Variants in OSBPL9 observed in about 807,000 individuals in gnomAD.
OSBPL9 encodes oxysterol-binding protein-related protein 9.
OSBPL9 carries 40 observed loss-of-function variants against 106.6 expected under a neutral mutation model. The ratio of observed to expected loss-of-function variants is 0.38; its 90% CI spans 0.29 to 0.49. OSBPL9 has a LOEUF of 0.49. Ranked by LOEUF, OSBPL9 falls within the 20% of genes least tolerant of loss-of-function variation. The pLI, the probability that OSBPL9 is intolerant of heterozygous loss-of-function variation, is 0.97. For synonymous variants in OSBPL9, 269 were observed against 295.4 expected, an observed-to-expected ratio of 0.91 and a Z score of 0.92; for missense variants, 609 against 887.2, an observed-to-expected ratio of 0.69 and a Z score of 3.98.
intron 3 of OSBPL9, among the ~76,000 whole-genome samples, chr1:51,693,147 G>A (rs1655324087): frequency 6.6e-6 from 1 of 152,032 alleles, no homozygotes; most frequent in Non-Finnish European, 1.5e-5. Flanking sequence ...TGAGAGGTAG[G>A]AGGATAGGTT....
chr1:51,690,738 T>C (rs1197362979), intron 3 of OSBPL9, among the ~76,000 whole-genome samples: 3 of 152,202 alleles, frequency 2.0e-5, no homozygotes, highest in Non-Finnish European at 2.9e-5. Flanking sequence ...TTGTAGAGCT[T>C]ATATTTCAGA....
intron 3 of OSBPL9, among the ~76,000 whole-genome samples, chr1:51,700,557 T>C (rs932645005): frequency 1.9e-4 from 29 of 152,222 alleles, no homozygotes; most frequent in African/African-American, 6.8e-4. Context: ...TTTGGATTTA[T>C]CTGATATGTT....
intron 3 of OSBPL9, among the ~76,000 whole-genome samples, chr1:51,698,654 A>G (rs1261023919): frequency 6.6e-6 from 1 of 152,208 alleles, no homozygotes; most frequent in Non-Finnish European, 1.5e-5. Flanking sequence ...AAGTCTAGAG[A>G]TAAGCTGAAT....
intron 2 of OSBPL9, among the ~76,000 whole-genome samples, chr1:51,663,250 G>C (rs1160115561): frequency 1.3e-5 from 2 of 151,654 alleles, no homozygotes; most frequent in East Asian, 3.9e-4. Context: ...ATTTAGACTG[G>C]CAAATCCCAG....
the OSBPL9 span, among the ~76,000 whole-genome samples, chr1:51,551,979 G>A: frequency 2.0e-5 from 3 of 151,612 alleles, no homozygotes; most frequent in Non-Finnish European, 4.4e-5. Context: ...GTGTGTGTGT[G>A]TGTGTGTGTG....
the OSBPL9 span, chr1:51,567,319 AC>A: frequency 6.6e-6 from 1 of 152,164 alleles, no homozygotes; most frequent in African/African-American, 2.4e-5. Flanking sequence ...TGTCTGGCCC[AC>A]TCTGTCCCCA....
intron 7 of OSBPL9, among the ~76,000 whole-genome samples, chr1:51,748,727 G>T (rs1054199885): frequency 2.6e-5 from 4 of 152,078 alleles, no homozygotes; most frequent in African/African-American, 9.7e-5. Context: ...TTAAGGCAGG[G>T]TCTTACTATG....
At chr1:51,613,610 GA>G (rs902938893), upstream of OSBPL9, among the ~76,000 whole-genome samples, 9 of 151,804 alleles carry the variant, frequency 5.9e-5, no homozygotes, top group East Asian at 7.7e-4. Flanking sequence ...GAATTAATAA[GA>G]AAAAAAATAT....
intron 1 of OSBPL9, among the ~76,000 whole-genome samples, chr1:51,649,463 C>A (rs1008076408): frequency 3.9e-5 from 6 of 152,172 alleles, no homozygotes; most frequent in Non-Finnish European, 7.3e-5. Flanking sequence ...GTCTGTACAT[C>A]TACTCTCCTA....
rs1462454574 is a variant in OSBPL9, at chr1:51,745,401, G to A, written c.319-135G>A. The A allele has an allele frequency of 2.3e-6, 3 of 1,284,844 alleles. No individual in the cohort carries two copies. The East Asian group carries it at 8.1e-5, about 35-fold the overall frequency. The allele number at this position is 1,284,844 out of a possible 1,614,324, so 79.6% of individuals were successfully genotyped here. On this transcript the variant is annotated intron_variant, in intron 4 of 23. Transcript: ENST00000428468. ...TTTAAATAGACCTAACTGTTAAATA[G>A]ACCTATTATTTGTGTCAAAATAGAA... is the stretch of plus-strand genomic sequence containing the variant.
At chr1:51,786,742 TG>T in intron 22 of OSBPL9, 125 bp downstream of exon 22, 2 of 675,622 alleles carry the variant, frequency 3.0e-6, no homozygotes, top group Non-Finnish European at 2.5e-6. Context: ...TTTGAATTCC[TG>T]GGTTCGTATG....
chr1:51,710,393 A>G (rs939164305), intron 3 of OSBPL9, among the ~76,000 whole-genome samples: 1 of 151,476 alleles, frequency 6.6e-6, no homozygotes, highest in Non-Finnish European at 1.5e-5. Flanking sequence ...GCCAGAAAAA[A>G]CCCCCATAAG....
At position 51,788,444 on chromosome 1, in the gene OSBPL9, A is replaced by AATTTT. The variant is rs1553198787; in HGVS notation, c.*656_*660dup. 1 of 152,642 alleles carries AATTTT rather than the reference A, an allele frequency of 6.6e-6. No individual in the cohort carries two copies. The highest frequency in any genetic ancestry group is 1.5e-5 in the Non-Finnish European group (1 of 68,040). The allele number at this position is 152,642 out of a possible 1,614,324, so 9.5% of individuals were successfully genotyped here. On this transcript the variant is annotated 3_prime_UTR_variant, in exon 24 of 24. Transcript: ENST00000428468. Reference sequence around the variant, plus strand: ...CTTAGTGCTTAAGGCTTCATAAAGTAATTTTTCCAACCTTTTTTTTAAAAA... The same window carrying AATTTT: ...CTTAGTGCTTAAGGCTTCATAAAGTAATTTTATTTTTCCAACCTTTTTTTTAAAAA...
intron 15 of OSBPL9, among the ~76,000 whole-genome samples, chr1:51,777,987 T>C (rs921033234): frequency 1.3e-5 from 2 of 151,938 alleles, no homozygotes; most frequent in African/African-American, 4.8e-5. Context: ...ACCCTGTCCC[T>C]ACAAAAAAAA....
At chr1:51,695,991 G>T (rs995575436) in intron 3 of OSBPL9, among the ~76,000 whole-genome samples, 3 of 152,198 alleles carry the variant, frequency 2.0e-5, no homozygotes, top group African/African-American at 7.2e-5. Context: ...GGAAGAGTAT[G>T]TGGGAAAGTA....
chr1:51,616,910 A>T, upstream of OSBPL9: 1 of 877,962 alleles, frequency 1.1e-6, no homozygotes, highest in Non-Finnish European at 1.7e-6. Context: ...TCACGTTTGC[A>T]TTCTCGCATC....
At chr1:51,621,616 G>C (rs1452744230) in intron 1 of OSBPL9, among the ~76,000 whole-genome samples, 1 of 151,962 alleles carries the variant, frequency 6.6e-6, no homozygotes, top group Non-Finnish European at 1.5e-5. Context: ...TATCCAGTCT[G>C]TTCAATTTCC....
intron 2 of OSBPL9, among the ~76,000 whole-genome samples, chr1:51,661,320 T>C (rs1647135422): frequency 6.6e-6 from 1 of 152,194 alleles, no homozygotes; most frequent in Admixed American, 6.5e-5. Flanking sequence ...AGCCAGAATT[T>C]TGTTTCTCTT....
chr1:51,683,142 T>G (rs1373450143), intron 3 of OSBPL9, among the ~76,000 whole-genome samples: 2 of 152,072 alleles, frequency 1.3e-5, no homozygotes, highest in Admixed American at 6.5e-5. Flanking sequence ...CCCAAAGTGC[T>G]GGGACTACAG....
Sources: gnomAD v4.1 joint callset for allele counts (sites outside exome capture counted in the v4.1 genomes callset) on GRCh38, gnomAD v4.1.1 for gene constraint, MANE v1.5 for transcripts, NCBI Gene and HGNC (gene_info 2026-07-23, HGNC 2026-07-21) for gene names.